The following UCK2 variants were observed in gnomAD, a reference collection of about 807,000 sequenced individuals.
UCK2 encodes cytidine monophosphokinase 2.
A neutral mutation model predicts 30.8 loss-of-function variants in UCK2; 6 were observed. The observed-to-expected ratio is 0.19, with a 90% CI of 0.11 to 0.38. The LOEUF (loss-of-function observed/expected upper bound fraction) is 0.38. Ranked by LOEUF, UCK2 falls within the 10% of genes least tolerant of loss-of-function variation. The pLI is 1.00. For missense variants in UCK2, 210 were observed against 339.8 expected (o/e 0.62, Z 3.00); for synonymous variants, 125 against 133.6 (o/e 0.94, Z 0.45).
At chr1:165,855,896 A>G (rs10918295) in intron 1 of UCK2, among the ~76,000 whole-genome samples, 32,824 of 152,000 alleles carry the variant, frequency 0.22, 3,775 homozygotes, top group East Asian at 0.3. Context: ...TACACAATCT[A>G]TTCTCTGCTT....
At chr1:165,831,806 C>T (rs1654056465) in intron 1 of UCK2, among the ~76,000 whole-genome samples, 1 of 152,156 alleles carries the variant, frequency 6.6e-6, no homozygotes, top group African/African-American at 2.4e-5. Context: ...CACTCTGTCA[C>T]TCAGGCTGGA....
intron 1 of UCK2, among the ~76,000 whole-genome samples, chr1:165,886,443 C>G (rs2101879259): frequency 6.6e-6 from 1 of 152,230 alleles, no homozygotes; most frequent in East Asian, 1.9e-4. Flanking sequence ...ACTACAGGCA[C>G]AAACACCATG....
At chr1:165,907,367 C>T (rs905313178) in intron 6 of UCK2, among the ~76,000 whole-genome samples, 6 of 152,116 alleles carry the variant, frequency 3.9e-5, no homozygotes, top group Admixed American at 3.3e-4. Flanking sequence ...CTGGTTACCA[C>T]GTCTGCAGAC....
chr1:165,873,988 A>G (rs996949167), intron 1 of UCK2, among the ~76,000 whole-genome samples: 3 of 152,194 alleles, frequency 2.0e-5, no homozygotes, highest in Admixed American at 6.5e-5. Context: ...GTGTAAACAT[A>G]GGTAATGACT....
chr1:165,840,831 C>G (rs1654309968), intron 1 of UCK2, among the ~76,000 whole-genome samples: 1 of 152,140 alleles, frequency 6.6e-6, no homozygotes, highest in Admixed American at 6.5e-5. Context: ...GGAGAAAAAA[C>G]AGTTTATTAG....
At chr1:165,885,670 C>G (rs1041710256) in intron 1 of UCK2, among the ~76,000 whole-genome samples, 2 of 152,222 alleles carry the variant, frequency 1.3e-5, no homozygotes, top group Non-Finnish European at 2.9e-5. Flanking sequence ...CGCTATGCAG[C>G]TGCAGCCACT....
intron 6 of UCK2, 115 bp downstream of exon 6, chr1:165,906,084 C>A: frequency 1.0e-6 from 1 of 1,000,228 alleles, no homozygotes. Context: ...CCCTGCTTGT[C>A]TGTGATTGTG....
intron 1 of UCK2, among the ~76,000 whole-genome samples, chr1:165,864,879 G>T (rs1205175310): frequency 2.6e-5 from 4 of 151,922 alleles, no homozygotes; most frequent in Admixed American, 2.0e-4. Context: ...TAGAGATGAG[G>T]TTCTCAATGT....
chr1:165,832,689 ACTC>A (rs900518859), intron 1 of UCK2, among the ~76,000 whole-genome samples: 7 of 151,642 alleles, frequency 4.6e-5, no homozygotes, highest in African/African-American at 1.7e-4. Context: ...GCTCACTACA[ACTC>A]CTGCGATTCT....
chr1:165,841,915 T>A (rs1353537580), intron 1 of UCK2, among the ~76,000 whole-genome samples: 1 of 152,204 alleles, frequency 6.6e-6, no homozygotes, highest in Non-Finnish European at 1.5e-5. Flanking sequence ...GGCTTCAGTC[T>A]GATTGTTGAA....
intron 1 of UCK2, among the ~76,000 whole-genome samples, chr1:165,873,488 C>T (rs10918300): frequency 0.31 from 47,323 of 152,026 alleles, 7,729 homozygotes; most frequent in East Asian, 0.44. Context: ...AAGATTATTA[C>T]GTTCATTTTT....
At chr1:165,883,066 T>G (rs138915036) in intron 1 of UCK2, among the ~76,000 whole-genome samples, 36 of 152,304 alleles carry the variant, frequency 2.4e-4, no homozygotes, top group African/African-American at 8.4e-4. Context: ...CCTCGTGATC[T>G]GCCTGACTCG....
intron 1 of UCK2, among the ~76,000 whole-genome samples, chr1:165,867,814 CTT>C (rs1655084176): frequency 6.6e-6 from 1 of 152,192 alleles, no homozygotes; most frequent in Admixed American, 6.5e-5. Flanking sequence ...CTTCCAAACT[CTT>C]GTTAATGTTG....
intron 1 of UCK2, among the ~76,000 whole-genome samples, chr1:165,852,736 A>G (rs1654629062): frequency 6.6e-6 from 1 of 152,198 alleles, no homozygotes. Context: ...CCTTCCTTAT[A>G]TAAGTTCTTT....
At chr1:165,864,712 C>T (rs537850586) in intron 1 of UCK2, among the ~76,000 whole-genome samples, 1 of 152,126 alleles carries the variant, frequency 6.6e-6, no homozygotes, top group Non-Finnish European at 1.5e-5. Flanking sequence ...CACAGTCTTA[C>T]TCTTTCACTC....
intron 1 of UCK2, among the ~76,000 whole-genome samples, chr1:165,851,916 A>G (rs1316421424): frequency 6.6e-6 from 1 of 152,216 alleles, no homozygotes; most frequent in East Asian, 1.9e-4. Flanking sequence ...TGCAAAGGAC[A>G]TGATCTTTAT....
rs59350667 is a variant in UCK2, at chr1:165,879,545, T to TTTA, written c.100-10635_100-10633dup. ...CATTATATTCAAAGGATGTTTGCTT[T>TTTA]TTATTATTATTATTATTATTATTAT... On this transcript the variant is annotated intron_variant, in intron 1 of 6. Transcript: ENST00000367879. Among the ~76,000 whole-genome samples, 1,434 of 146,872 alleles carry TTTA rather than the reference T, an allele frequency of 9.8e-3. 36 individuals carry two copies. The highest frequency in any genetic ancestry group is 0.051 in the Admixed American group (746 of 14,744).
chr1:165,866,880 A>G (rs763478431), intron 1 of UCK2, among the ~76,000 whole-genome samples: 2 of 152,252 alleles, frequency 1.3e-5, no homozygotes, highest in Non-Finnish European at 2.9e-5. Context: ...GTATATATCA[A>G]TTTATTCATC....
In UCK2 at chr1:165,847,286, A is replaced by G. The variant is rs534421589; in HGVS notation, c.99+19354A>G. ...TGCCTGTATTGTGAGGATTGTAAAG[A>G]TTACATAAAACAATAAATAATTCAG... On this transcript the variant is annotated intron_variant, in intron 1 of 6. Transcript: ENST00000367879. Among the ~76,000 whole-genome samples the G allele has an allele frequency of 3.9e-5, 6 of 152,352 alleles. No individual in the cohort carries two copies. The East Asian group carries it at 9.6e-4, about 24-fold the overall frequency.
Sources: allele counts gnomAD v4.1 joint callset (sites outside exome capture counted in the v4.1 genomes callset), GRCh38; gene constraint gnomAD v4.1.1; transcripts MANE v1.5; gene names NCBI Gene and HGNC (gene_info 2026-07-23, HGNC 2026-07-21).